The following DNAJC10 variants were observed in gnomAD, a reference collection of about 807,000 sequenced individuals.
DNAJC10 encodes DnaJ heat shock protein family (Hsp40) member C10.
DNAJC10 carries 101 observed loss-of-function variants against 115.0 expected under a neutral mutation model. That is an observed-to-expected ratio of 0.88 (90% CI 0.75 to 1.04). DNAJC10 has a LOEUF of 1.04. Ranked by LOEUF, DNAJC10 falls within the 50% of genes least tolerant of loss-of-function variation. The pLI is 0.00. For missense variants in DNAJC10, 981 were observed against 928.8 expected (o/e 1.06, Z -0.73); for synonymous variants, 307 against 301.5 (o/e 1.02, Z -0.19).
At chr2:182,747,544 G>A (rs1034504394) in intron 14 of DNAJC10, among the ~76,000 whole-genome samples, 5 of 151,696 alleles carry the variant, frequency 3.3e-5, no homozygotes, top group Non-Finnish European at 7.4e-5. Context: ...TGTTGTTGGT[G>A]TATAAGAATG....
intron 22 of DNAJC10, among the ~76,000 whole-genome samples, chr2:182,770,183 T>C (rs1694523662): frequency 6.6e-6 from 1 of 152,212 alleles, no homozygotes; most frequent in African/African-American, 2.4e-5. Flanking sequence ...TATATCTGTT[T>C]TGGTACCAGT....
At chr2:182,746,187 C>T (rs1233524682) in intron 14 of DNAJC10, among the ~76,000 whole-genome samples, 1 of 152,138 alleles carries the variant, frequency 6.6e-6, no homozygotes, top group Admixed American at 6.5e-5. Flanking sequence ...AATAATGCCG[C>T]AATAAACATA....
intron 4 of DNAJC10, among the ~76,000 whole-genome samples, chr2:182,721,142 A>T (rs1381128626): frequency 1.3e-5 from 2 of 152,130 alleles, no homozygotes; most frequent in Non-Finnish European, 2.9e-5. Flanking sequence ...TTAACCTCAA[A>T]TGCAGGCTAA....
intron 18 of DNAJC10, among the ~76,000 whole-genome samples, chr2:182,756,748 G>T (rs1029511186): frequency 6.6e-6 from 1 of 151,744 alleles, no homozygotes. Flanking sequence ...TCGGCTCACC[G>T]CAACCTCAAC....
chr2:182,757,323 G>T (rs1315037003), intron 18 of DNAJC10, among the ~76,000 whole-genome samples: 1 of 152,162 alleles, frequency 6.6e-6, no homozygotes, highest in African/African-American at 2.4e-5. Context: ...TCAGGTGTGA[G>T]TCAGTATAAC....
chr2:182,738,459 A>G (rs1312804597), intron 11 of DNAJC10, among the ~76,000 whole-genome samples: 1 of 152,200 alleles, frequency 6.6e-6, no homozygotes, highest in Non-Finnish European at 1.5e-5. Context: ...GACAGGAAAC[A>G]GAAATGAGTG....
chr2:182,784,360 G>C lies in DNAJC10; in HGVS notation c.*7228G>C, dbSNP rs997700682. On this transcript the variant is annotated 3_prime_UTR_variant, in exon 24 of 24. Transcript: ENST00000264065. ...AACAACAAAAAAAATCATTTTGTTGGTATTTTATATAAACTTAAGAAACCT... is the reference window on the plus strand; with the variant it reads ...AACAACAAAAAAAATCATTTTGTTGCTATTTTATATAAACTTAAGAAACCT... 1 of 151,936 alleles carries C rather than the reference G, an allele frequency of 6.6e-6. No homozygotes were observed. The highest frequency in any genetic ancestry group is 1.5e-5 in the Non-Finnish European group (1 of 67,988). The allele number at this position is 151,936 out of a possible 1,614,324, so 9.4% of individuals were successfully genotyped here.
chr2:182,728,338 T>C (rs940294192), intron 5 of DNAJC10, among the ~76,000 whole-genome samples: 1 of 152,210 alleles, frequency 6.6e-6, no homozygotes, highest in Non-Finnish European at 1.5e-5. Context: ...GAGAGTTTTT[T>C]TAAAAAGCTA....
chr2:182,766,902 A>G (rs1297236175), intron 22 of DNAJC10, among the ~76,000 whole-genome samples: 1 of 152,052 alleles, frequency 6.6e-6, no homozygotes, highest in Non-Finnish European at 1.5e-5. Flanking sequence ...AGGTCCCTTT[A>G]AGGTTGGAGG....
rs1694997082 is a variant in DNAJC10 at position 182,788,828 on chromosome 2, AT to A, written c.*11702del. On this transcript the variant is annotated 3_prime_UTR_variant, in exon 24 of 24. Coordinates refer to ENST00000264065, the MANE Select transcript of DNAJC10 (RefSeq NM_018981.4). ...TTATGATCACTTAGTATGTCTACGG[AT>A]TTTTTGGGGAAGAGAGATTTCACGT... 1 of 456,474 alleles carries A rather than the reference AT, an allele frequency of 2.2e-6. No homozygotes were observed. Among genetic ancestry groups the A allele is most frequent in the Admixed American group, 2.4e-5 (1 of 42,438 alleles). The allele number at this position is 456,474 out of a possible 1,614,324, so 28.3% of individuals were successfully genotyped here. A position where few individuals can be genotyped will look rare whatever the true frequency, so the allele number is the denominator to read the frequency against.
rs752199840 is a variant in DNAJC10 at position 182,743,687 on chromosome 2, A to G, written c.1281A>G (p.Gly427=). The change falls in exon 14 of 24, where the codon GGA becomes GGG. Residue 427 remains glycine (G), a synonymous_variant. Transcript: ENST00000264065. ...QPSLAVFKGQ[G]TKEYEIHHGK... ...CTCTAGCAGTATTTAAAGGACAAGG[A>G]ACCAAAGAATATGAAATTCATCATG... 1 of 1,609,192 alleles carries G rather than the reference A, an allele frequency of 6.2e-7. No homozygotes were observed.
intron 5 of DNAJC10, among the ~76,000 whole-genome samples, chr2:182,724,957 C>CTTTT (rs569795219): frequency 2.0e-5 from 3 of 152,048 alleles, no homozygotes; most frequent in Admixed American, 2.0e-4. Flanking sequence ...AGATAATGCA[C>CTTTT]TTTTTTTTCC....
intron 4 of DNAJC10, among the ~76,000 whole-genome samples, chr2:182,721,366 T>C (rs1197231024): frequency 2.0e-5 from 3 of 152,152 alleles, no homozygotes; most frequent in African/African-American, 7.2e-5. Flanking sequence ...TGGAATGGAA[T>C]TACTTTAATT....
At chr2:182,740,087 C>A in intron 11 of DNAJC10, 1 of 1,053,204 alleles carries the variant, frequency 9.5e-7, no homozygotes, top group Non-Finnish European at 1.2e-6. Flanking sequence ...TATTGTATAT[C>A]ACTATTTAAG....
At chr2:182,741,720 T>TA (rs1693742555) in intron 13 of DNAJC10, among the ~76,000 whole-genome samples, 1 of 152,160 alleles carries the variant, frequency 6.6e-6, no homozygotes, top group African/African-American at 2.4e-5. Context: ...AGCAATTATC[T>TA]AAAAAAATCA....
intron 21 of DNAJC10, among the ~76,000 whole-genome samples, chr2:182,759,841 C>G (rs886280740): frequency 6.6e-6 from 1 of 152,012 alleles, no homozygotes; most frequent in African/African-American, 2.4e-5. Context: ...AGTGGGCCCT[C>G]TGTATGCAGG....
At chr2:182,729,153 G>A (rs1171305557) in intron 7 of DNAJC10, 159 bp downstream of exon 7, 5 of 789,006 alleles carry the variant, frequency 6.3e-6, no homozygotes, top group Non-Finnish European at 9.6e-6. Flanking sequence ...TTTGGATTAT[G>A]AATTTTTTTT....
At chr2:182,736,720 C>T (rs550700612) in intron 11 of DNAJC10, among the ~76,000 whole-genome samples, 85 of 152,066 alleles carry the variant, frequency 5.6e-4, no homozygotes, top group Admixed American at 9.2e-4. Context: ...GCATTTATAG[C>T]ATGAGTTTTC....
In DNAJC10 at chr2:182,779,560, C is replaced by T. The variant is rs1396447618; in HGVS notation, c.*2428C>T. The stretch of plus-strand genomic sequence containing the variant: ...AGGATTTTGAATCCAGCCTGGGCAA[C>T]ATAGCAAGACCCCATCTCTAATAAA... On this transcript the variant is annotated 3_prime_UTR_variant, in exon 24 of 24. Transcript: ENST00000264065. The T allele has an allele frequency of 6.6e-6, 1 of 152,160 alleles. No individual in the cohort carries two copies. Among genetic ancestry groups the T allele is most frequent in the East Asian group, 1.9e-4 (1 of 5,194 alleles). 9.4% of individuals were successfully genotyped at this position (152,160 alleles called of 1,614,324 possible). A position where few individuals can be genotyped will look rare whatever the true frequency, so the allele number is the denominator to read the frequency against.
Sources: gnomAD v4.1 joint callset for allele counts (sites outside exome capture counted in the v4.1 genomes callset) on GRCh38, gnomAD v4.1.1 for gene constraint, MANE v1.5 for transcripts, NCBI Gene and HGNC (gene_info 2026-07-23, HGNC 2026-07-21) for gene names.